Variants in ITGB1BP2 observed in about 807,000 individuals in gnomAD.
The protein encoded by ITGB1BP2 is integrin beta-1-binding protein 2.
A neutral mutation model predicts 32.2 loss-of-function variants in ITGB1BP2; 27 were observed. That is an observed-to-expected ratio of 0.84 (90% confidence interval 0.62 to 1.16). ITGB1BP2 has a LOEUF of 1.16. Ranked by LOEUF, ITGB1BP2 falls within the 50% of genes most tolerant of loss-of-function variation. The pLI, the probability that ITGB1BP2 is intolerant of heterozygous loss-of-function variation, is 0.00. For synonymous variants in ITGB1BP2, 105 were observed against 94.7 expected (o/e 1.11, Z -0.63); for missense variants, 250 against 267.3 (o/e 0.94, Z 0.45).
chrX:71,303,978 T>C lies in ITGB1BP2; in HGVS notation c.639+67T>C, dbSNP rs906993043. The C allele has an allele frequency of 1.6e-5, 15 of 917,321 alleles. No individual in the cohort carries two copies. In the Middle Eastern group the frequency reaches 2.5e-3, roughly 155 times the overall value. The allele number at this position is 917,321 out of a possible 1,213,427, so 75.6% of individuals were successfully genotyped here. A position where few individuals can be genotyped will look rare whatever the true frequency, so the allele number is the denominator to read the frequency against. ...TCAGAGGTAAATTCTCCTCCCTCTC[T>C]GTACCACATAGCCAAGCTCCCTGTC... On this transcript the variant is annotated intron_variant, in intron 8 of 10. Transcript: ENST00000373829.
chrX:71,302,894 ATGTAT>A (rs1449114683), intron 4 of ITGB1BP2, among the ~76,000 whole-genome samples: 2 of 111,982 alleles, frequency 1.8e-5, no homozygotes, highest in African/African-American at 3.2e-5. Context: ...CAAGAAAAGG[ATGTAT>A]TGTATTATTG....
chrX:71,303,361 G>A lies in ITGB1BP2; in HGVS notation c.412+5G>A, dbSNP rs948680487. The stretch of plus-strand genomic sequence containing the variant: ...TAGACCAGGAACCTGGGGCAGGTAG[G>A]TGGGTCTTTAGTAGGATCAACTTCA... On this transcript the variant is annotated splice_donor_5th_base_variant and intron_variant, in intron 5 of 10. Coordinates refer to ENST00000373829, the MANE Select transcript of ITGB1BP2 (RefSeq NM_012278.4). 8.3e-7 allele frequency: 1 copy of A among 1,210,275 alleles called. No homozygotes were observed. Among genetic ancestry groups the A allele is most frequent in the Non-Finnish European group, 1.1e-6 (1 of 894,174 alleles).
intron 9 of ITGB1BP2, 85 bp downstream of exon 9, chrX:71,304,385 A>C: frequency 1.1e-6 from 1 of 895,632 alleles, no homozygotes; most frequent in East Asian, 3.1e-5. Flanking sequence ...TTTGCTGTTA[A>C]CCTGTAGGCT....
At position 71,302,569 on chromosome X, in the gene ITGB1BP2, A is replaced by G; in HGVS notation, c.317+13A>G. The G allele has an allele frequency of 8.4e-7, 1 of 1,194,691 alleles. No individual in the cohort carries two copies. The highest frequency in any genetic ancestry group is 1.1e-6 in the Non-Finnish European group (1 of 887,864). ...GGGAGAGGCCCAAGTAAAGAGGAGG[A>G]GGCCCCTGGACTTTTCTTATTTTCA... On this transcript the variant is annotated intron_variant, in intron 4 of 10. Coordinates refer to ENST00000373829, the MANE Select transcript of ITGB1BP2 (RefSeq NM_012278.4).
At position 71,303,372 on chromosome X, in the gene ITGB1BP2, G is replaced by A. The variant is rs2031646089; in HGVS notation, c.412+16G>A. The A allele has an allele frequency of 2.5e-6, 3 of 1,207,121 alleles. No individual in the cohort carries two copies. The highest frequency in any genetic ancestry group is 2.2e-5 in the Admixed American group (1 of 45,601). ...CCTGGGGCAGGTAGGTGGGTCTTTA[G>A]TAGGATCAACTTCATAGACTGGAAT... On this transcript the variant is annotated intron_variant, in intron 5 of 10. Coordinates refer to ENST00000373829, the MANE Select transcript of ITGB1BP2 (RefSeq NM_012278.4).
At position 71,301,975 on chromosome X, in the gene ITGB1BP2, T is replaced by TA; in HGVS notation, c.64+106dup. On this transcript the variant is annotated intron_variant, in intron 1 of 10. Transcript: ENST00000373829. Reference sequence around the variant, plus strand: ...GAGCGGGGAAAGAAACTACCTGCCCTAGTTTAATTGGTCTGAGTGATCTTA... The same window carrying TA: ...GAGCGGGGAAAGAAACTACCTGCCCTAAGTTTAATTGGTCTGAGTGATCTTA... 4 of 887,543 alleles carry TA rather than the reference T, an allele frequency of 4.5e-6. No individual in the cohort carries two copies. The South Asian group carries it at 6.7e-5, about 15-fold the overall frequency. The allele number at this position is 887,543 out of a possible 1,213,427, so 73.1% of individuals were successfully genotyped here. A position where few individuals can be genotyped will look rare whatever the true frequency, so the allele number is the denominator to read the frequency against.
chrX:71,302,171 C>G lies in ITGB1BP2; in HGVS notation c.99C>G (p.Phe33Leu). Residue 33 changes from phenylalanine (F) to leucine (L), a missense_variant, in exon 2 of 11, where the codon TTC becomes TTG. Coordinates refer to ENST00000373829, the MANE Select transcript of ITGB1BP2 (RefSeq NM_012278.4). ...GCCATCACCCTGGGGTCCCAATCTT[C>G]CATGATGCACTTAAGGTGAGGAGTA... Reference protein sequence around the residue: ...SCCHHPGVPIFHDALKGWSCC... With the variant: ...SCCHHPGVPILHDALKGWSCC... The G allele has an allele frequency of 8.3e-7, 1 of 1,211,027 alleles. No individual in the cohort carries two copies. Among genetic ancestry groups the G allele is most frequent in the Non-Finnish European group, 1.1e-6 (1 of 895,269 alleles).
rs1468259137 is a variant in ITGB1BP2 at position 71,301,846 on chromosome X, T to C, written c.40T>C (p.Phe14Leu). 3 of 1,207,389 alleles carry C rather than the reference T, an allele frequency of 2.5e-6. No individual in the cohort carries two copies. The Admixed American group carries it at 6.6e-5, about 27-fold the overall frequency. ...LCRNKGCGQH[F>L]DPNTNLPDSC... ...TCGTAACAAAGGCTGTGGGCAGCAC[T>C]TTGACCCTAATACCAACCTTCCTGG... The change falls in exon 1 of 11, where the codon TTT becomes CTT. Residue 14 changes from phenylalanine to leucine, a missense_variant. Transcript: ENST00000373829.
At position 71,303,868 on chromosome X, in the gene ITGB1BP2, C is replaced by T; in HGVS notation, c.596C>T (p.Ala199Val). 2 of 1,209,517 alleles carry T rather than the reference C, an allele frequency of 1.7e-6. No homozygotes were observed. Among genetic ancestry groups the T allele is most frequent in the Non-Finnish European group, 2.2e-6 (2 of 894,389 alleles). The change falls in exon 8 of 11, where the codon GCA becomes GTA. Residue 199 changes from alanine (A) to valine (V), a missense_variant. Coordinates refer to ENST00000373829, the MANE Select transcript of ITGB1BP2 (RefSeq NM_012278.4). Reference sequence around the variant, plus strand: ...ACCCTGGATTTTGGGGCATTCTTGGCACAACCAGGGTGCAGAGTCGGTAGA... The same window carrying T: ...ACCCTGGATTTTGGGGCATTCTTGGTACAACCAGGGTGCAGAGTCGGTAGA... ...IQTLDFGAFL[A>V]QPGCRVGRHD...
At position 71,304,233 on chromosome X, in the gene ITGB1BP2, T is replaced by C. The variant is rs1030739067; in HGVS notation, c.686T>C (p.Val229Ala). The part of the protein sequence containing the change: ...RHDWHQTDSL[V>A]VVTVYGQIPL... ...GATTGGCACCAGACAGATTCCTTAG[T>C]AGTGGTGACTGTATATGGCCAGATT... The change falls in exon 9 of 11, where the codon GTA becomes GCA. Residue 229 changes from valine to alanine, a missense_variant. Coordinates refer to ENST00000373829, the MANE Select transcript of ITGB1BP2 (RefSeq NM_012278.4). The C allele has an allele frequency of 2.5e-6, 3 of 1,210,787 alleles. No individual in the cohort carries two copies. Among genetic ancestry groups the C allele is most frequent in the African/African-American group, 3.5e-5 (2 of 57,818 alleles).
At chrX:71,303,592 C>T (rs2031650063) in intron 6 of ITGB1BP2, 35 bp from the exon 7 acceptor site, 1 of 1,204,192 alleles carries the variant, frequency 8.3e-7, no homozygotes. Context: ...TAGGATATAC[C>T]TTAGAATGAC....
intron 1 of ITGB1BP2, 38 bp downstream of exon 1, chrX:71,301,908 TG>T (rs2031616828): frequency 8.9e-7 from 1 of 1,118,704 alleles, no homozygotes; most frequent in East Asian, 3.0e-5. Context: ...GGGCTCTGTG[TG>T]GGTGTTGGGG....
intron 10 of ITGB1BP2, 102 bp from the exon 11 acceptor site, chrX:71,304,863 A>G: frequency 3.3e-6 from 2 of 603,755 alleles, no homozygotes; most frequent in Non-Finnish European, 2.6e-6. Flanking sequence ...TTCTTACCTT[A>G]TTAAAAATTT....
intron 1 of ITGB1BP2, 80 bp from the exon 2 acceptor site, chrX:71,302,057 A>G: frequency 9.4e-7 from 1 of 1,058,711 alleles, no homozygotes; most frequent in Non-Finnish European, 1.3e-6. Flanking sequence ...AACCATAAAT[A>G]GAAACCCGGG....
At chrX:71,303,062 G>A (rs984831484) in intron 4 of ITGB1BP2, among the ~76,000 whole-genome samples, 200 bp from the exon 5 acceptor site, 1 of 111,626 alleles carries the variant, frequency 9.0e-6, no homozygotes. Flanking sequence ...ATGGGTAAGA[G>A]AAGTGCTGGG....
At chrX:71,304,438 T>C (rs751469837) in intron 9 of ITGB1BP2, 104 bp from the exon 10 acceptor site, 351 of 917,615 alleles carry the variant, frequency 3.8e-4, no homozygotes, top group Non-Finnish European at 5.2e-4. Context: ...AGGTCAGGGC[T>C]GTCTGGCCAA....
rs373732289 is a variant in ITGB1BP2, at chrX:71,303,685, G to A, written c.527G>A (p.Arg176Gln). The A allele has an allele frequency of 1.8e-5, 22 of 1,206,633 alleles. No homozygotes were observed. The highest frequency in any genetic ancestry group is 1.2e-4 in the African/African-American group (7 of 56,831). The change falls in exon 7 of 11, where the codon CGA becomes CAA. Residue 176 changes from arginine to glutamine, a missense_variant. Transcript: ENST00000373829. Reference sequence around the variant, plus strand: ...TGTACCTACCACCCAGGAGCACCCCGATTCCATGAGGGGTGAGGGAGGGGA... The same window carrying A: ...TGTACCTACCACCCAGGAGCACCCCAATTCCATGAGGGGTGAGGGAGGGGA... ...TPCTYHPGAP[R>Q]FHEGMKSWSC... is the part of the protein sequence containing the mutation.
chrX:71,301,837 G>C lies in ITGB1BP2; in HGVS notation c.31G>C (p.Gly11Arg), dbSNP rs763029752. 8.3e-7 allele frequency: 1 copy of C among 1,209,932 alleles called. No individual in the cohort carries two copies. Among genetic ancestry groups the C allele is most frequent in the Admixed American group, 2.2e-5 (1 of 45,917 alleles). Residue 11 changes from glycine (G) to arginine (R), a missense_variant, in exon 1 of 11, where the codon GGG becomes CGG. Physicochemically the swap from Gly to Arg is moderately radical, Grantham distance 125. Coordinates refer to ENST00000373829, the MANE Select transcript of ITGB1BP2 (RefSeq NM_012278.4). Reference protein sequence around the residue: MSLLCRNKGCGQHFDPNTNLP... With the variant: MSLLCRNKGCRQHFDPNTNLP... ...TCTACTCTGTCGTAACAAAGGCTGTGGGCAGCACTTTGACCCTAATACCAA... is the reference window on the plus strand; with the variant it reads ...TCTACTCTGTCGTAACAAAGGCTGTCGGCAGCACTTTGACCCTAATACCAA...
At position 71,304,197 on chromosome X, in the gene ITGB1BP2, C is replaced by G. The variant is rs779283724; in HGVS notation, c.650C>G (p.Ser217Cys). ...RHDWGKQLPASCRHDWHQTDS... is the reference protein window; with the variant it reads ...RHDWGKQLPACCRHDWHQTDS... ...ACATCTTCTCTTTAGCTCCCAGCAT[C>G]TTGCCGCCATGATTGGCACCAGACA... The change falls in exon 9 of 11, where the codon TCT becomes TGT. Residue 217 changes from serine (S) to cysteine (C), a missense_variant. Ser to Cys is a moderately radical substitution (Grantham distance 112, BLOSUM62 -1). Coordinates refer to ENST00000373829, the MANE Select transcript of ITGB1BP2 (RefSeq NM_012278.4). 1.7e-6 allele frequency: 2 copies of G among 1,204,756 alleles called. No homozygotes were observed. The highest frequency in any genetic ancestry group is 1.8e-5 in the African/African-American group (1 of 57,134).
Sources: gnomAD v4.1 joint callset for allele counts (sites outside exome capture counted in the v4.1 genomes callset) on GRCh38, gnomAD v4.1.1 for gene constraint, MANE v1.5 for transcripts, NCBI Gene and HGNC (gene_info 2026-07-23, HGNC 2026-07-21) for gene names.